USP9X: variants seen among roughly 807,000 people sequenced by gnomAD.
USP9X encodes ubiquitin specific peptidase 9 X-linked, also known as ubiquitin carboxyl-terminal hydrolase 9X.
In USP9X, 7 loss-of-function variants were observed where a neutral mutation model predicts 190.3. The observed-to-expected ratio is 0.04, with a 90% CI of 0.02 to 0.07. USP9X has a LOEUF of 0.07. Ranked by LOEUF, USP9X falls within the 10% of genes least tolerant of loss-of-function variation. The probability of loss-of-function intolerance (pLI) is 1.00; values close to 1 mark genes in which losing one functional copy is unlikely to be tolerated. For missense variants in USP9X, 1,010 were observed against 1,916.9 expected (o/e 0.53, Z 8.83); for synonymous variants, 645 against 659.5 (o/e 0.98, Z 0.34).
In USP9X at chrX:41,141,317, T is replaced by C. The variant is rs752260372; in HGVS notation, c.1047T>C (p.Asn349=). ...ILRLLQISSF[N]GKMNALNEVN... is the part of the protein sequence containing the mutation. ...GATTATTGCAAATTTCTTCTTTCAATGGAAAGATGAATGCACTGAATGAAG... is the reference window on the plus strand; with the variant it reads ...GATTATTGCAAATTTCTTCTTTCAACGGAAAGATGAATGCACTGAATGAAG... The change falls in exon 9 of 45, where the codon AAT becomes AAC. Residue 349 remains asparagine (N), a synonymous_variant. Transcript: ENST00000378308. 3.3e-6 allele frequency: 4 copies of C among 1,204,453 alleles called. No homozygotes were observed. The highest frequency in any genetic ancestry group is 3.0e-5 in the East Asian group (1 of 33,705).
At chrX:41,087,953 T>TG (rs1434686719) in intron 1 of USP9X, among the ~76,000 whole-genome samples, 2 of 111,829 alleles carry the variant, frequency 1.8e-5, no homozygotes, top group African/African-American at 6.5e-5. Context: ...ACCAGGTTAT[T>TG]GGGGTCTCTA....
chrX:41,095,990 G>A (rs769854904), intron 1 of USP9X, among the ~76,000 whole-genome samples: 1 of 112,213 alleles, frequency 8.9e-6, no homozygotes, highest in South Asian at 3.7e-4. Flanking sequence ...GCCACAGAAT[G>A]GAGTACTGAG....
intron 41 of USP9X, among the ~76,000 whole-genome samples, chrX:41,228,283 C>T (rs765174263): frequency 2.7e-5 from 3 of 112,175 alleles, no homozygotes; most frequent in Non-Finnish European, 5.6e-5. Context: ...TTTACTGGCA[C>T]ATAATCTTTT....
intron 21 of USP9X, among the ~76,000 whole-genome samples, chrX:41,174,760 C>T (rs1019521112): frequency 1.8e-5 from 2 of 111,518 alleles, no homozygotes; most frequent in East Asian, 2.8e-4. Flanking sequence ...TTTGGGAGGC[C>T]GAGGTGGGCA....
chrX:41,136,493 C>T (rs1263000516), intron 5 of USP9X, among the ~76,000 whole-genome samples: 1 of 112,438 alleles, frequency 8.9e-6, no homozygotes, highest in African/African-American at 3.2e-5. Context: ...GAATTGCTGC[C>T]TCTCGTGTAC....
chrX:41,086,723 C>G (rs990368433), intron 1 of USP9X, among the ~76,000 whole-genome samples: 3 of 112,628 alleles, frequency 2.7e-5, no homozygotes, highest in Non-Finnish European at 5.6e-5. Flanking sequence ...CTCCTTCGCC[C>G]CGCTTTATTT....
At chrX:41,228,573 G>A (rs1368584905) in intron 41 of USP9X, among the ~76,000 whole-genome samples, 1 of 111,295 alleles carries the variant, frequency 9.0e-6, no homozygotes, top group Non-Finnish European at 1.9e-5. Flanking sequence ...TTTTATAAAA[G>A]GTATTGATGT....
chrX:41,166,613 G>A (rs932812538), intron 16 of USP9X, among the ~76,000 whole-genome samples: 4 of 111,991 alleles, frequency 3.6e-5, no homozygotes, highest in Non-Finnish European at 7.5e-5. Flanking sequence ...TAGATTATGA[G>A]TATATGCTTT....
chrX:41,191,654 G>A (rs1000000385), intron 26 of USP9X, among the ~76,000 whole-genome samples: 2 of 111,924 alleles, frequency 1.8e-5, no homozygotes, highest in Admixed American at 9.5e-5. Context: ...GGCTCTGGGT[G>A]TAATTATAAT....
chrX:41,178,290 G>A (rs1296692631), intron 21 of USP9X, among the ~76,000 whole-genome samples: 1 of 107,470 alleles, frequency 9.3e-6, no homozygotes, highest in Admixed American at 1.0e-4. Flanking sequence ...TAGTAGAGAC[G>A]AGGTTTCACC....
At chrX:41,160,035 T>C (rs1028264049) in intron 14 of USP9X, among the ~76,000 whole-genome samples, 1 of 100,096 alleles carries the variant, frequency 1.0e-5, no homozygotes, top group Admixed American at 1.1e-4. Flanking sequence ...AAATGAACTT[T>C]TAAAATAAGT....
At chrX:41,172,348 C>T (rs1198146083) in intron 21 of USP9X, among the ~76,000 whole-genome samples, 1 of 111,774 alleles carries the variant, frequency 8.9e-6, no homozygotes, top group African/African-American at 3.2e-5. Context: ...TTTCCTGGCC[C>T]TTTACAGAAA....
chrX:41,210,637 G>A lies in USP9X; in HGVS notation c.5144G>A (p.Gly1715Glu). 1 of 1,210,802 alleles carries A rather than the reference G, an allele frequency of 8.3e-7. No homozygotes were observed. The highest frequency in any genetic ancestry group is 1.8e-5 in the South Asian group (1 of 56,887). Residue 1715 changes from glycine to glutamate, a missense_variant, in exon 33 of 45, where the codon GGA (glycine) becomes GAA (glutamate). This residue lies in a region of USP9X where 120 missense variants were observed against 342.7 expected (regional missense o/e 0.35). Transcript: ENST00000378308. ...CCAGCTATGCTAAGTAAAGTCTTAGGAGGTTCCTTTGCTGATCAGAAGATC... is the reference window on the plus strand; with the variant it reads ...CCAGCTATGCTAAGTAAAGTCTTAGAAGGTTCCTTTGCTGATCAGAAGATC... ...GHPAMLSKVL[G>E]GSFADQKICQ...
intron 44 of USP9X, among the ~76,000 whole-genome samples, chrX:41,231,356 C>T (rs1056761946): frequency 8.9e-6 from 1 of 112,069 alleles, no homozygotes; most frequent in Non-Finnish European, 1.9e-5. Context: ...GGCATTCTTT[C>T]TTACATTTCA....
intron 39 of USP9X, among the ~76,000 whole-genome samples, chrX:41,223,873 C>T (rs937109812): frequency 1.8e-5 from 2 of 111,818 alleles, no homozygotes; most frequent in Admixed American, 9.5e-5. Flanking sequence ...CTCCTTGTGA[C>T]TGAGGTTGAT....
rs767741303 is a variant in USP9X at position 41,123,705 on chromosome X, C to A, written c.77C>A (p.Pro26His). ...QGQAPDGQSQ[P>H]PLQQNQTSSP... is the part of the protein sequence containing the mutation. ...CAGGCTCCTGATGGACAGTCTCAGC[C>A]CCCCCTCCAACAGAATCAGGTAGGA... The change falls in exon 2 of 45, where the codon CCC (proline) becomes CAC (histidine). Residue 26 changes from proline to histidine, a missense_variant. This residue lies in a region of USP9X where 176 missense variants were observed against 247.5 expected (regional missense o/e 0.71). Transcript: ENST00000378308. 12 of 1,209,458 alleles carry A rather than the reference C, an allele frequency of 9.9e-6. No individual in the cohort carries two copies. Among genetic ancestry groups the A allele is most frequent in the South Asian group, 7.1e-5 (4 of 56,731 alleles).
At chrX:41,132,414 C>T (rs1348115385) in intron 4 of USP9X, among the ~76,000 whole-genome samples, 3 of 106,044 alleles carry the variant, frequency 2.8e-5, no homozygotes, top group Admixed American at 1.0e-4. Context: ...AGCGATTCTC[C>T]TGCCTCAGCC....
At chrX:41,092,541 CT>C (rs2061962165) in intron 1 of USP9X, among the ~76,000 whole-genome samples, 1 of 111,500 alleles carries the variant, frequency 9.0e-6, no homozygotes, top group African/African-American at 3.3e-5. Context: ...GATCAGTAAA[CT>C]TTTTCTGTAA....
At chrX:41,210,417 T>C in intron 32 of USP9X, 92 bp from the exon 33 acceptor site, 1 of 947,762 alleles carries the variant, frequency 1.1e-6, no homozygotes, top group Non-Finnish European at 1.5e-6. Context: ...TTGTTTGTGG[T>C]CTTGTTGCTT....
Sources: allele counts gnomAD v4.1 joint callset (sites outside exome capture counted in the v4.1 genomes callset), GRCh38; gene constraint gnomAD v4.1.1; regional missense constraint gnomAD v4.1.1; transcripts MANE v1.5; gene names NCBI Gene and HGNC (gene_info 2026-07-23, HGNC 2026-07-21).